AKR1C3: variants seen among roughly 807,000 people sequenced by gnomAD.
The protein encoded by AKR1C3 is 3-alpha hydroxysteroid dehydrogenase, type II.
A neutral mutation model predicts 43.6 loss-of-function variants in AKR1C3; 48 were observed. The ratio of observed to expected loss-of-function variants is 1.10; its 90% CI spans 0.87 to 1.40. The LOEUF is 1.40. AKR1C3 is among the 40% of genes most tolerant of loss of function. AKR1C3 has a pLI of 0.00. For missense variants in AKR1C3, 482 were observed against 391.2 expected, an observed-to-expected ratio of 1.23 and a Z score of -1.96; for synonymous variants, 162 against 139.6, an observed-to-expected ratio of 1.16 and a Z score of -1.13.
At chr10:5,075,391 C>T (rs1391937052) in intron 1 of AKR1C3, among the ~76,000 whole-genome samples, 7 of 152,132 alleles carry the variant, frequency 4.6e-5, no homozygotes, top group African/African-American at 1.7e-4. Flanking sequence ...CAGAAAGACC[C>T]AAATTAAGTG....
chr10:5,099,236 T>G, intron 4 of AKR1C3, 91 bp from the exon 5 acceptor site: 1 of 1,579,960 alleles, frequency 6.3e-7, no homozygotes, highest in Middle Eastern at 2.2e-4. Context: ...TGTCATACTT[T>G]GAAAGTTGTT....
chr10:5,102,064 A>T, intron 5 of AKR1C3, 37 bp from the exon 6 acceptor site: 1 of 1,264,814 alleles, frequency 7.9e-7, no homozygotes, highest in Non-Finnish European at 1.2e-6. Flanking sequence ...TAACTATTTC[A>T]TATAAATTGA....
chr10:5,062,542 C>T (rs1184635849), intron 1 of AKR1C3, among the ~76,000 whole-genome samples: 1 of 152,152 alleles, frequency 6.6e-6, no homozygotes, highest in African/African-American at 2.4e-5. Context: ...CTTAGCATGT[C>T]TCAAGCAAAC....
chr10:5,059,317 G>A (rs1254716274), intron 1 of AKR1C3, among the ~76,000 whole-genome samples: 1 of 152,190 alleles, frequency 6.6e-6, no homozygotes, highest in Admixed American at 6.5e-5. Context: ...GGAGAAGAGA[G>A]TCAAGAGAAA....
chr10:5,066,627 T>C (rs1554780825), intron 1 of AKR1C3, among the ~76,000 whole-genome samples: 2 of 152,204 alleles, frequency 1.3e-5, no homozygotes, highest in Non-Finnish European at 2.9e-5. Context: ...ATGGTGCTCA[T>C]CGAAGGTCCC....
At chr10:5,064,725 G>A (rs765294026) in intron 1 of AKR1C3, among the ~76,000 whole-genome samples, 7 of 151,750 alleles carry the variant, frequency 4.6e-5, no homozygotes, top group Admixed American at 1.3e-4. Flanking sequence ...GGGAAAATAC[G>A]TGAAGAGATG....
At chr10:5,071,843 C>T (rs137890152) in intron 1 of AKR1C3, among the ~76,000 whole-genome samples, 108 of 152,276 alleles carry the variant, frequency 7.1e-4, no homozygotes, top group African/African-American at 2.6e-3. Context: ...TGTAATTTTC[C>T]GCTTGGCTGA....
intron 1 of AKR1C3, among the ~76,000 whole-genome samples, chr10:5,088,668 T>C (rs2131827648): frequency 6.6e-6 from 1 of 151,872 alleles, no homozygotes; most frequent in Non-Finnish European, 1.5e-5. Flanking sequence ...TGATATATCA[T>C]GTAAATGAAA....
At chr10:5,102,047 A>G (rs1554786085) in intron 5 of AKR1C3, 54 bp from the exon 6 acceptor site, 12 of 1,132,290 alleles carry the variant, frequency 1.1e-5, no homozygotes, top group African/African-American at 1.6e-5. Context: ...TCTTTTCAAT[A>G]TTAACATAAC....
chr10:5,074,139 G>T (rs978083011), intron 1 of AKR1C3, among the ~76,000 whole-genome samples: 1 of 152,058 alleles, frequency 6.6e-6, no homozygotes, highest in Admixed American at 6.6e-5. Context: ...CACCTTTCCG[G>T]ACTGAACCAA....
exon 1 of AKR1C3, chr10:5,048,872 T>C (rs782547565): frequency 5.4e-5 from 87 of 1,613,804 alleles, no homozygotes; most frequent in Non-Finnish European, 6.8e-5. Flanking sequence ...TGTCCTGGGA[T>C]TTGGCACCTA....
At chr10:5,065,647 G>A (rs1293993580) in intron 1 of AKR1C3, among the ~76,000 whole-genome samples, 1 of 152,186 alleles carries the variant, frequency 6.6e-6, no homozygotes, top group Non-Finnish European at 1.5e-5. Context: ...AGAATTTGTG[G>A]GAGTTTAAAT....
Position 5,083,681 on chromosome 10 carries a change from T to G in AKR1C3, c.85-12729T>G, listed in dbSNP as rs868996327. ...GACTTCCACAATGGTTGAACTAGTT[T>G]ACAGTCCCACCAACAGTGTAAAAGT... On this transcript the variant is annotated intron_variant, in intron 1 of 8. Coordinates refer to the AKR1C3 transcript ENST00000439082. 1.3e-4 allele frequency among the ~76,000 whole-genome samples: 20 copies of G among 152,314 alleles called. 1 individual carries two copies. The highest frequency in any genetic ancestry group is 6.8e-3 in the Middle Eastern group (2 of 294).
chr10:5,085,183 G>T (rs1286024987), intron 1 of AKR1C3, among the ~76,000 whole-genome samples: 44 of 151,908 alleles, frequency 2.9e-4, no homozygotes, highest in African/African-American at 1.0e-3. Context: ...TCCAGTTTTT[G>T]CCCATTCAGT....
rs1564373205 is a variant in AKR1C3 at position 5,105,695 on chromosome 10, A to G, written c.929+18A>G. ...AGTGATAGGTAAGTTTCCTTTGTAA[A>G]TGGGTGATCTAATTTATTTCTGGAG... On this transcript the variant is annotated intron_variant, in intron 8 of 8. Coordinates refer to ENST00000380554, the MANE Select transcript of AKR1C3 (RefSeq NM_003739.6). The G allele has an allele frequency of 2.5e-6, 4 of 1,581,460 alleles. No homozygotes were observed. The highest frequency in any genetic ancestry group is 3.5e-6 in the Non-Finnish European group (4 of 1,151,524).
intron 1 of AKR1C3, among the ~76,000 whole-genome samples, chr10:5,057,083 TG>T (rs1436726922): frequency 1.3e-5 from 2 of 152,226 alleles, no homozygotes; most frequent in Non-Finnish European, 2.9e-5. Flanking sequence ...TTGGATCATC[TG>T]GTTGGGGGCT....
At chr10:5,060,501 G>A (rs1323852884) in intron 1 of AKR1C3, among the ~76,000 whole-genome samples, 1 of 152,188 alleles carries the variant, frequency 6.6e-6, no homozygotes, top group East Asian at 1.9e-4. Flanking sequence ...GACACAGGGT[G>A]CTGATTGGTG....
chr10:5,106,022 T>G (rs1839491773), intron 8 of AKR1C3, among the ~76,000 whole-genome samples: 1 of 152,354 alleles, frequency 6.6e-6, no homozygotes, highest in African/African-American at 2.4e-5. Flanking sequence ...TCCAAATCTG[T>G]GCTTATATCA....
intron 1 of AKR1C3, among the ~76,000 whole-genome samples, chr10:5,076,400 C>T (rs1267850867): frequency 1.5e-5 from 2 of 135,114 alleles, no homozygotes; most frequent in Admixed American, 7.3e-5. Context: ...AGTTTGTTCT[C>T]TCTGTCTCTC....
Sources: allele counts gnomAD v4.1 joint callset (sites outside exome capture counted in the v4.1 genomes callset), GRCh38; gene constraint gnomAD v4.1.1; transcripts MANE v1.5; gene names NCBI Gene and HGNC (gene_info 2026-07-23, HGNC 2026-07-21).